Variants in TBC1D5 observed in about 807,000 individuals in gnomAD.
TBC1D5 encodes the protein TBC1 domain family, member 5.
Under a neutral mutation model 100.3 loss-of-function variants are expected in TBC1D5, and 75 were observed. The ratio of observed to expected loss-of-function variants is 0.75; its 90% CI spans 0.62 to 0.91. TBC1D5 has a LOEUF of 0.91. Ranked by LOEUF, TBC1D5 falls within the 40% of genes least tolerant of loss-of-function variation. TBC1D5 has a pLI of 0.00. For missense variants in TBC1D5, 910 were observed against 942.4 expected (o/e 0.97, Z 0.45); for synonymous variants, 323 against 325.6 (o/e 0.99, Z 0.09).
At chr3:17,698,388 C>T (rs370341472) in intron 1 of TBC1D5, among the ~76,000 whole-genome samples, 24 of 151,644 alleles carry the variant, frequency 1.6e-4, no homozygotes, top group African/African-American at 3.4e-4. Flanking sequence ...ATACAAAAAT[C>T]AATTCAAGAT....
At chr3:17,301,661 A>G (rs758713388) in intron 14 of TBC1D5, among the ~76,000 whole-genome samples, 1 of 152,222 alleles carries the variant, frequency 6.6e-6, no homozygotes, top group Non-Finnish European at 1.5e-5. Flanking sequence ...CTAATGTAGC[A>G]CTTAGTTAGT....
intron 3 of TBC1D5, among the ~76,000 whole-genome samples, chr3:17,477,613 A>C (rs1256578818): frequency 6.6e-6 from 1 of 152,048 alleles, no homozygotes; most frequent in Non-Finnish European, 1.5e-5. Flanking sequence ...GTCCGTTATA[A>C]AAATCACTTA....
At chr3:17,606,569 T>C (rs1394361057) in intron 2 of TBC1D5, among the ~76,000 whole-genome samples, 1 of 152,152 alleles carries the variant, frequency 6.6e-6, no homozygotes, top group Non-Finnish European at 1.5e-5. Context: ...TGGTGACTTT[T>C]TATAACAATT....
In TBC1D5 at chr3:17,173,056, A is replaced by C. The variant is rs138792886; in HGVS notation, c.1853-5228T>G. Among the ~76,000 whole-genome samples the C allele has an allele frequency of 2.3e-3, 350 of 152,322 alleles. 2 individuals are homozygous for C. The highest frequency in any genetic ancestry group is 9.1e-3 in the Admixed American group (139 of 15,304). Reference sequence around the variant, plus strand: ...GCTGAGCACCACACCTAAGCCCACTATGGAAGCTCCGCACCCAGTCGTTTC... The same window carrying C: ...GCTGAGCACCACACCTAAGCCCACTCTGGAAGCTCCGCACCCAGTCGTTTC... On this transcript the variant is annotated intron_variant, in intron 19 of 21. Transcript: ENST00000253692.
intron 13 of TBC1D5, among the ~76,000 whole-genome samples, chr3:17,352,387 A>C (rs577134478): frequency 6.6e-6 from 1 of 152,074 alleles, no homozygotes; most frequent in Non-Finnish European, 1.5e-5. Context: ...AGAAATCTCT[A>C]AGTGTTAAAA....
intron 13 of TBC1D5, among the ~76,000 whole-genome samples, chr3:17,363,677 C>T (rs906525036): frequency 2.6e-5 from 4 of 151,596 alleles, no homozygotes; most frequent in East Asian, 1.9e-4. Context: ...CCTCTCAAAG[C>T]GCTGCGATTA....
At chr3:17,568,082 G>C (rs755495252) in intron 2 of TBC1D5, among the ~76,000 whole-genome samples, 1 of 151,470 alleles carries the variant, frequency 6.6e-6, no homozygotes, top group Non-Finnish European at 1.5e-5. Context: ...ATTTAGAATG[G>C]CAACGTAAAA....
At chr3:17,294,147 A>C (rs1417332993) in intron 14 of TBC1D5, among the ~76,000 whole-genome samples, 1 of 152,266 alleles carries the variant, frequency 6.6e-6, no homozygotes, top group Non-Finnish European at 1.5e-5. Flanking sequence ...AGTATACTAG[A>C]AGATCAGCAT....
chr3:17,297,715 T>C (rs546278799), intron 14 of TBC1D5, among the ~76,000 whole-genome samples: 16 of 152,046 alleles, frequency 1.1e-4, no homozygotes, highest in Non-Finnish European at 2.4e-4. Context: ...TCCTAGTGGC[T>C]GGGACTATAG....
At chr3:17,479,468 A>G (rs755301318) in intron 3 of TBC1D5, among the ~76,000 whole-genome samples, 6 of 152,262 alleles carry the variant, frequency 3.9e-5, no homozygotes, top group Non-Finnish European at 8.8e-5. Context: ...GATTCAAAAC[A>G]TAATATTAAA....
intron 15 of TBC1D5, among the ~76,000 whole-genome samples, chr3:17,278,789 T>C (rs1346656539): frequency 6.6e-6 from 1 of 152,268 alleles, no homozygotes; most frequent in African/African-American, 2.4e-5. Flanking sequence ...TATTCCTTAA[T>C]GTTAATTAGC....
At chr3:17,482,854 G>A (rs976671747) in intron 3 of TBC1D5, among the ~76,000 whole-genome samples, 1 of 151,970 alleles carries the variant, frequency 6.6e-6, no homozygotes, top group African/African-American at 2.4e-5. Context: ...TCAGGATTGG[G>A]GAGATCTCCT....
chr3:17,352,310 A>C (rs535375996), intron 13 of TBC1D5, among the ~76,000 whole-genome samples: 1 of 152,220 alleles, frequency 6.6e-6, no homozygotes, highest in Admixed American at 6.6e-5. Flanking sequence ...CAAATAAAAA[A>C]TACCTTTTAT....
intron 18 of TBC1D5, among the ~76,000 whole-genome samples, chr3:17,211,226 G>T (rs1360801460): frequency 6.6e-6 from 1 of 152,154 alleles, no homozygotes; most frequent in African/African-American, 2.4e-5. Context: ...AGAAGTAACT[G>T]GCTGTTTCCT....
intron 1 of TBC1D5, among the ~76,000 whole-genome samples, chr3:17,733,844 T>G (rs2076755412): frequency 6.6e-6 from 1 of 152,118 alleles, no homozygotes; most frequent in Non-Finnish European, 1.5e-5. Flanking sequence ...TGAAAAGCCA[T>G]TATAATAAAT....
At chr3:17,561,116 C>T (rs968205274) in intron 2 of TBC1D5, among the ~76,000 whole-genome samples, 5 of 152,064 alleles carry the variant, frequency 3.3e-5, no homozygotes, top group Non-Finnish European at 7.4e-5. Flanking sequence ...TCTGCAGTGG[C>T]TGGCAAAGTT....
At chr3:17,561,709 A>G (rs1425898080) in intron 2 of TBC1D5, among the ~76,000 whole-genome samples, 2 of 152,228 alleles carry the variant, frequency 1.3e-5, no homozygotes, top group Admixed American at 6.5e-5. Context: ...ATAAAAAATA[A>G]GAAAGGACAA....
exon 22 of TBC1D5, chr3:17,160,992 A>C: frequency 6.2e-7 from 1 of 1,614,166 alleles, no homozygotes; most frequent in South Asian, 1.1e-5. Context: ...ACAATGGTGA[A>C]GCCAGAGTCC....
At chr3:17,365,633 T>C (rs1268724973) in intron 13 of TBC1D5, among the ~76,000 whole-genome samples, 1 of 152,210 alleles carries the variant, frequency 6.6e-6, no homozygotes. Flanking sequence ...GGCATGGCTG[T>C]GGACCTTAGG....
Sources: allele counts gnomAD v4.1 joint callset (sites outside exome capture counted in the v4.1 genomes callset), GRCh38; gene constraint gnomAD v4.1.1; transcripts MANE v1.5; gene names NCBI Gene and HGNC (gene_info 2026-07-23, HGNC 2026-07-21).